The following CNTN3 variants were observed in gnomAD, a reference collection of about 807,000 sequenced individuals.
CNTN3 encodes contactin-3.
Under a neutral mutation model 119.1 loss-of-function variants are expected in CNTN3, and 60 were observed. That is an observed-to-expected ratio of 0.50 (90% CI 0.41 to 0.62). The LOEUF (loss-of-function observed/expected upper bound fraction) is 0.62. Ranked by LOEUF, CNTN3 falls within the 20% of genes least tolerant of loss-of-function variation. The pLI is 0.00. For synonymous variants in CNTN3, 450 were observed against 438.7 expected, an observed-to-expected ratio of 1.03 and a Z score of -0.32; for missense variants, 1,101 against 1,242.4, an observed-to-expected ratio of 0.89 and a Z score of 1.71.
chr3:74,286,999 C>A (rs1358242770), intron 19 of CNTN3, among the ~76,000 whole-genome samples: 2 of 152,228 alleles, frequency 1.3e-5, no homozygotes, highest in Non-Finnish European at 2.9e-5. Flanking sequence ...ATCACCATAT[C>A]TTTAACTGTT....
At position 74,614,590 on chromosome 3, in the gene CNTN3, C is replaced by A. The variant is rs1381512406; in HGVS notation, c.-280G>T. Among the ~76,000 whole-genome samples, 1 of 148,796 alleles carries A rather than the reference C, an allele frequency of 6.7e-6. No individual in the cohort carries two copies. Among genetic ancestry groups the A allele is most frequent in the Non-Finnish European group, 1.5e-5 (1 of 66,798 alleles). On this transcript the variant is annotated 5_prime_UTR_variant, in exon 1 of 23. Transcript: ENST00000263665. Reference sequence around the variant, plus strand: ...GGCCCAGTCCACGGCGCCAGCCCGCCCGCCGCTGCCACCGCCGCCGCCGCC... The same window carrying A: ...GGCCCAGTCCACGGCGCCAGCCCGCACGCCGCTGCCACCGCCGCCGCCGCC...
chr3:74,470,066 C>T (rs1032275183), intron 4 of CNTN3, among the ~76,000 whole-genome samples: 3 of 152,044 alleles, frequency 2.0e-5, no homozygotes, highest in African/African-American at 7.2e-5. Context: ...TATGAAGAAC[C>T]TTACAACAGT....
chr3:74,370,646 T>A (rs1704312188), intron 6 of CNTN3, among the ~76,000 whole-genome samples: 1 of 152,124 alleles, frequency 6.6e-6, no homozygotes, highest in African/African-American at 2.4e-5. Flanking sequence ...TTATGCTGTA[T>A]CAGATATGGT....
rs925214189 is a variant in CNTN3 at position 74,382,593 on chromosome 3, C to G, written c.455-11194G>C. Among the ~76,000 whole-genome samples, 3 of 152,112 alleles carry G rather than the reference C, an allele frequency of 2.0e-5. No individual in the cohort carries two copies. In the South Asian group the frequency reaches 6.2e-4, roughly 31 times the overall value. On this transcript the variant is annotated intron_variant, in intron 5 of 22. Coordinates refer to ENST00000263665, the MANE Select transcript of CNTN3 (RefSeq NM_020872.3). ...TCTAAAAGCTTGACTTTTCTAGATG[C>G]CAAGTGTAAGTGAGGTCATGTGATA...
chr3:74,371,294 T>G lies in CNTN3; in HGVS notation c.560A>C (p.Glu187Ala), dbSNP rs1383131488. 2 of 1,613,442 alleles carry G rather than the reference T, an allele frequency of 1.2e-6. No homozygotes were observed. The highest frequency in any genetic ancestry group is 2.2e-5 in the South Asian group (2 of 91,068). Residue 187 changes from glutamate (E) to alanine (A), a missense_variant, in exon 6 of 23, where the codon GAG becomes GCG. Transcript: ENST00000263665. ...ETGHLYISKV[E>A]PSDVGNYTCV... ...TGTGTAATTTCCCACATCAGACGGC[T>G]CCACCTTAGATATGTAGAGGTGCCC...
At chr3:74,283,672 G>T (rs1310932338) in intron 20 of CNTN3, among the ~76,000 whole-genome samples, 2 of 152,146 alleles carry the variant, frequency 1.3e-5, no homozygotes, top group African/African-American at 4.8e-5. Flanking sequence ...AAATTTGTTT[G>T]CATATATTTT....
intron 1 of CNTN3, among the ~76,000 whole-genome samples, chr3:74,574,938 T>TC (rs1427149220): frequency 1.3e-5 from 2 of 150,254 alleles, no homozygotes; most frequent in African/African-American, 2.5e-5. Context: ...TTTTTTTTTT[T>TC]CTGGAGACAG....
chr3:74,588,493 G>A (rs905583895), intron 1 of CNTN3, among the ~76,000 whole-genome samples: 10 of 152,022 alleles, frequency 6.6e-5, no homozygotes, highest in Non-Finnish European at 1.0e-4. Context: ...ATGCTCATGG[G>A]TAGGAAGAAT....
chr3:74,299,107 T>C (rs988953821), intron 17 of CNTN3, among the ~76,000 whole-genome samples: 1 of 150,742 alleles, frequency 6.6e-6, no homozygotes, highest in African/African-American at 2.4e-5. Flanking sequence ...TTTGGGGAGG[T>C]TGAGGTGGGA....
At chr3:74,542,124 T>G in intron 1 of CNTN3, among the ~76,000 whole-genome samples, 1 of 152,036 alleles carries the variant, frequency 6.6e-6, no homozygotes, top group Non-Finnish European at 1.5e-5. Flanking sequence ...GTCCCAGCTA[T>G]TTGGGAGGCT....
intron 14 of CNTN3, among the ~76,000 whole-genome samples, chr3:74,302,466 G>A (rs1176068029): frequency 6.6e-6 from 1 of 152,210 alleles, no homozygotes; most frequent in Non-Finnish European, 1.5e-5. Context: ...GGCAGCAGCT[G>A]TGGAATGCCA....
chr3:74,602,204 A>T (rs1234110871), intron 1 of CNTN3, among the ~76,000 whole-genome samples: 3 of 149,290 alleles, frequency 2.0e-5, no homozygotes, highest in African/African-American at 7.4e-5. Context: ...TAAGACGATC[A>T]CTTGAGCCTT....
At chr3:74,312,923 T>C (rs547502519) in intron 13 of CNTN3, among the ~76,000 whole-genome samples, 6 of 150,434 alleles carry the variant, frequency 4.0e-5, no homozygotes, top group Admixed American at 3.3e-4. Context: ...AGGGGTTTAG[T>C]GAAAAAATAA....
intron 19 of CNTN3, among the ~76,000 whole-genome samples, chr3:74,285,808 TATATATATATATATATATATATA>T (rs1473460549): frequency 9.9e-6 from 1 of 100,900 alleles, no homozygotes; most frequent in East Asian, 2.7e-4. Flanking sequence ...TATATATATA[TATATATATATATATATATATATA>T]TATATATAAA....
chr3:74,407,206 G>T (rs1701339021), intron 5 of CNTN3, among the ~76,000 whole-genome samples: 1 of 150,758 alleles, frequency 6.6e-6, no homozygotes, highest in Non-Finnish European at 1.5e-5. Context: ...GGTGCTAGAA[G>T]CATTACAATG....
intron 2 of CNTN3, among the ~76,000 whole-genome samples, chr3:74,506,463 G>A (rs1167198490): frequency 6.6e-6 from 1 of 152,068 alleles, no homozygotes; most frequent in Non-Finnish European, 1.5e-5. Flanking sequence ...GGAGGAGATG[G>A]GTTGGAGTCT....
intron 5 of CNTN3, among the ~76,000 whole-genome samples, chr3:74,412,659 G>A (rs560242376): frequency 8.5e-5 from 13 of 152,210 alleles, no homozygotes; most frequent in Non-Finnish European, 1.8e-4. Flanking sequence ...TAGGCTGAAG[G>A]CACCTTCAAA....
intron 11 of CNTN3, among the ~76,000 whole-genome samples, chr3:74,351,348 C>T (rs1016254993): frequency 1.5e-4 from 23 of 152,166 alleles, no homozygotes; most frequent in African/African-American, 4.8e-4. Context: ...CTCTTTAACT[C>T]ATCCCTCACT....
intron 11 of CNTN3, among the ~76,000 whole-genome samples, chr3:74,341,752 T>C (rs1194875126): frequency 2.6e-5 from 4 of 152,140 alleles, no homozygotes; most frequent in African/African-American, 9.7e-5. Flanking sequence ...CTAGACAACA[T>C]TGACCTGTAC....
Sources: gnomAD v4.1 joint callset for allele counts (sites outside exome capture counted in the v4.1 genomes callset) on GRCh38, gnomAD v4.1.1 for gene constraint, MANE v1.5 for transcripts, NCBI Gene and HGNC (gene_info 2026-07-23, HGNC 2026-07-21) for gene names.